The following R3HDM2 variants were observed in gnomAD, a reference collection of about 807,000 sequenced individuals.
R3HDM2 encodes the protein R3H domain containing 2, also known as R3H domain-containing protein 2.
Under a neutral mutation model 124.5 loss-of-function variants are expected in R3HDM2, and 38 were observed. The observed-to-expected ratio is 0.31, with a 90% CI of 0.24 to 0.40. The LOEUF is 0.40. Ranked by LOEUF, R3HDM2 falls within the 10% of genes least tolerant of loss-of-function variation. The pLI is 1.00. For synonymous variants in R3HDM2, 391 were observed against 448.0 expected, an observed-to-expected ratio of 0.87 and a Z score of 1.61; for missense variants, 869 against 1,236.9, an observed-to-expected ratio of 0.70 and a Z score of 4.46.
chr12:57,377,395 A>T (rs1021674978), intron 2 of R3HDM2, among the ~76,000 whole-genome samples: 1 of 152,102 alleles, frequency 6.6e-6, no homozygotes, highest in African/African-American at 2.4e-5. Flanking sequence ...AATTGCCACC[A>T]CATGCTTCAT....
In R3HDM2 at chr12:57,256,012, A is replaced by G. The variant is rs1371228159; in HGVS notation, c.2610T>C (p.Thr870=). Residue 870 remains threonine (T), a synonymous_variant, in exon 23 of 24, where the codon ACT becomes ACC. Coordinates refer to ENST00000402412, the MANE Select transcript of R3HDM2 (RefSeq NM_001394031.1). ...GKRQALKSAS[T]DLGTADVVLG... is the part of the protein sequence containing the mutation. ...CACCAACATCTGCTGTCCCCAGGTC[A>G]GTGGAGGCAGATTTGAGTGCTTGTC... 1.2e-6 allele frequency: 2 copies of G among 1,613,788 alleles called. No individual in the cohort carries two copies. The highest frequency in any genetic ancestry group is 2.2e-5 in the East Asian group (1 of 44,884).
At chr12:57,324,147 T>C (rs1302441503) in intron 2 of R3HDM2, among the ~76,000 whole-genome samples, 1 of 152,184 alleles carries the variant, frequency 6.6e-6, no homozygotes, top group African/African-American at 2.4e-5. Context: ...CCGATGACCT[T>C]AGAAAGGACA....
chr12:57,345,979 G>A (rs987531748), intron 2 of R3HDM2, among the ~76,000 whole-genome samples: 2 of 152,132 alleles, frequency 1.3e-5, no homozygotes, highest in African/African-American at 4.8e-5. Flanking sequence ...GGCCAACACG[G>A]TGAAACCCAA....
At chr12:57,270,274 G>A (rs537654540) in intron 14 of R3HDM2, among the ~76,000 whole-genome samples, 43 of 152,220 alleles carry the variant, frequency 2.8e-4, no homozygotes, top group Non-Finnish European at 6.0e-4. Context: ...CCAGCCTGGA[G>A]TGCAGTGGCT....
intron 1 of R3HDM2, among the ~76,000 whole-genome samples, chr12:57,416,291 G>A (rs2069593635): frequency 6.6e-6 from 1 of 152,006 alleles, no homozygotes; most frequent in Non-Finnish European, 1.5e-5. Context: ...AAAGAGGAAG[G>A]GAGAGAACAA....
intron 2 of R3HDM2, among the ~76,000 whole-genome samples, chr12:57,364,872 G>T (rs952298873): frequency 1.4e-5 from 2 of 147,552 alleles, no homozygotes; most frequent in Admixed American, 1.4e-4. Flanking sequence ...AGAATCACTT[G>T]AACCCAGGAG....
At chr12:57,421,603 T>C (rs1426385615) in intron 1 of R3HDM2, among the ~76,000 whole-genome samples, 1 of 151,434 alleles carries the variant, frequency 6.6e-6, no homozygotes, top group African/African-American at 2.4e-5. Context: ...GATTCCCAGG[T>C]TTAGGTAATC....
intron 1 of R3HDM2, among the ~76,000 whole-genome samples, chr12:57,420,104 A>G (rs932421135): frequency 6.6e-6 from 1 of 152,150 alleles, no homozygotes; most frequent in Non-Finnish European, 1.5e-5. Flanking sequence ...GAAGGGGATA[A>G]TAATTCTACC....
chr12:57,279,386 T>C (rs942891814), intron 14 of R3HDM2, among the ~76,000 whole-genome samples: 26 of 151,140 alleles, frequency 1.7e-4, no homozygotes, highest in African/African-American at 6.3e-4. Context: ...TTTCACCATG[T>C]TGGGCAGGCT....
chr12:57,254,345 A>G lies in R3HDM2; in HGVS notation c.*428T>C. The G allele has an allele frequency of 2.4e-6, 1 of 415,494 alleles. No homozygotes were observed. The highest frequency in any genetic ancestry group is 4.7e-6 in the Non-Finnish European group (1 of 214,028). 25.7% of individuals were successfully genotyped at this position (415,494 alleles called of 1,614,324 possible). A position where few individuals can be genotyped will look rare whatever the true frequency, so the allele number is the denominator to read the frequency against. On this transcript the variant is annotated 3_prime_UTR_variant, in exon 24 of 24. Transcript: ENST00000402412. ...GTGAAACTCCGTCTCTACTAAAAAT[A>G]CAAAAATTAGCCGGGCATGGTGGCG...
intron 14 of R3HDM2, among the ~76,000 whole-genome samples, chr12:57,272,745 G>T (rs2043880741): frequency 6.6e-6 from 1 of 152,132 alleles, no homozygotes; most frequent in Admixed American, 6.6e-5. Flanking sequence ...GCCCGGGACA[G>T]CTTGAAGATT....
rs541028508 is a variant in R3HDM2, at chr12:57,338,992, G to A, written c.-35-28529C>T. Among the ~76,000 whole-genome samples the A allele has an allele frequency of 3.3e-5, 5 of 152,118 alleles. No homozygotes were observed. In the East Asian group the frequency reaches 9.7e-4, roughly 29 times the overall value. The stretch of plus-strand genomic sequence containing the variant: ...ATCCTCAAAACAACCCTAGGAAGTG[G>A]GTACTAATTATTGTCTTCGTTTTAC... On this transcript the variant is annotated intron_variant, in intron 2 of 23. Transcript: ENST00000402412.
At chr12:57,258,548 T>C (rs2039794443) in intron 20 of R3HDM2, among the ~76,000 whole-genome samples, 1 of 151,914 alleles carries the variant, frequency 6.6e-6, no homozygotes, top group Non-Finnish European at 1.5e-5. Flanking sequence ...TATCACCACG[T>C]TGGTCTCAAA....
At chr12:57,428,523 G>T in intron 1 of R3HDM2, among the ~76,000 whole-genome samples, 1 of 144,310 alleles carries the variant, frequency 6.9e-6, no homozygotes, top group East Asian at 2.2e-4. Flanking sequence ...GCGTGGTGGG[G>T]GGGCACCTGT....
intron 1 of R3HDM2, among the ~76,000 whole-genome samples, chr12:57,420,496 A>G (rs1420263498): frequency 7.0e-6 from 1 of 143,220 alleles, no homozygotes; most frequent in African/African-American, 2.6e-5. Context: ...CCTACTTCTC[A>G]TTACACACAC....
At chr12:57,355,280 A>AC in intron 2 of R3HDM2, among the ~76,000 whole-genome samples, 1 of 150,844 alleles carries the variant, frequency 6.6e-6, no homozygotes, top group Non-Finnish European at 1.5e-5. Context: ...ACACGGTGAA[A>AC]CCCCGTCTCT....
At chr12:57,383,338 T>C (rs560828311) in intron 2 of R3HDM2, among the ~76,000 whole-genome samples, 4 of 152,270 alleles carry the variant, frequency 2.6e-5, no homozygotes, top group African/African-American at 9.6e-5. Context: ...AGGTTAGCTA[T>C]TATTTTGTGT....
At chr12:57,418,299 T>C (rs570579043) in intron 1 of R3HDM2, 128 of 985,320 alleles carry the variant, frequency 1.3e-4, no homozygotes, top group Non-Finnish European at 1.5e-4. Flanking sequence ...TCTCCTCTAT[T>C]CTCATTACTT....
At chr12:57,321,196 C>T (rs2056391400) in intron 2 of R3HDM2, among the ~76,000 whole-genome samples, 1 of 152,180 alleles carries the variant, frequency 6.6e-6, no homozygotes. Context: ...TACATAGGAA[C>T]ATTTCCAATT....
Sources: gnomAD v4.1 joint callset for allele counts (sites outside exome capture counted in the v4.1 genomes callset) on GRCh38, gnomAD v4.1.1 for gene constraint, MANE v1.5 for transcripts, NCBI Gene and HGNC (gene_info 2026-07-23, HGNC 2026-07-21) for gene names.